The following DCPH1 variants were observed in gnomAD, a reference collection of about 807,000 sequenced individuals.
DCPH1 encodes the protein damage control phosphatase 1.
chr6:151,460,555 G>T, the DCPH1 span, among the ~76,000 whole-genome samples: 1 of 151,800 alleles, frequency 6.6e-6, no homozygotes, highest in Admixed American at 6.6e-5. Context: ...GGAGGCCGAG[G>T]CAGGCAGATC....
At chr6:151,464,700 A>G in the DCPH1 span, 84 of 894,054 alleles carry the variant, frequency 9.4e-5, no homozygotes, top group Non-Finnish European at 1.2e-4. Flanking sequence ...ACATGTAAAT[A>G]TTTTTCTTTG....
the DCPH1 span, among the ~76,000 whole-genome samples, chr6:151,464,300 A>G: frequency 2.6e-5 from 4 of 152,206 alleles, no homozygotes; most frequent in Non-Finnish European, 4.4e-5. Flanking sequence ...TTGATTATTT[A>G]GTATTAAGTT....
At chr6:151,469,782 GA>G in the DCPH1 span, 41 of 152,548 alleles carry the variant, frequency 2.7e-4, no homozygotes, top group African/African-American at 9.4e-4. Context: ...GGTATTTGAA[GA>G]AATGTAATAT....
At chr6:151,455,393 C>G in the DCPH1 span, among the ~76,000 whole-genome samples, 1 of 152,172 alleles carries the variant, frequency 6.6e-6, no homozygotes, top group African/African-American at 2.4e-5. Flanking sequence ...ATTGATCATT[C>G]GTGGGTGTTT....
chr6:151,455,730 AC>A, the DCPH1 span, among the ~76,000 whole-genome samples: 2 of 151,980 alleles, frequency 1.3e-5, no homozygotes, highest in East Asian at 1.9e-4. Flanking sequence ...CCTTCCTCTT[AC>A]ACTAATCCTC....
the DCPH1 span, among the ~76,000 whole-genome samples, chr6:151,458,885 C>T: frequency 6.6e-6 from 1 of 152,166 alleles, no homozygotes; most frequent in Non-Finnish European, 1.5e-5. Context: ...TGCTTGTAAT[C>T]CCAGCACTTT....
chr6:151,453,535 G>A, the DCPH1 span, among the ~76,000 whole-genome samples: 1 of 152,028 alleles, frequency 6.6e-6, no homozygotes, highest in Non-Finnish European at 1.5e-5. Context: ...TCACTGTTTT[G>A]GGTGGTACTG....
chr6:151,460,040 TACAC>T, the DCPH1 span, among the ~76,000 whole-genome samples: 2 of 152,150 alleles, frequency 1.3e-5, no homozygotes, highest in Non-Finnish European at 2.9e-5. Flanking sequence ...GTCTTAATCT[TACAC>T]ACACACGTAT....
At chr6:151,465,503 AG>A in the DCPH1 span, among the ~76,000 whole-genome samples, 3 of 152,044 alleles carry the variant, frequency 2.0e-5, no homozygotes, top group Non-Finnish European at 4.4e-5. Context: ...GTACATGGAG[AG>A]GTGAGAAAAA....
chr6:151,459,162 A>C, the DCPH1 span, among the ~76,000 whole-genome samples: 1 of 152,194 alleles, frequency 6.6e-6, no homozygotes, highest in Non-Finnish European at 1.5e-5. Flanking sequence ...TAAAGCGTGA[A>C]TTAATTAAAG....
chr6:151,458,015 A>G, the DCPH1 span, among the ~76,000 whole-genome samples: 1 of 152,200 alleles, frequency 6.6e-6, no homozygotes, highest in Non-Finnish European at 1.5e-5. Flanking sequence ...GTCAATGGTG[A>G]AAGAAGAATA....
At chr6:151,466,644 A>G in the DCPH1 span, among the ~76,000 whole-genome samples, 1 of 152,226 alleles carries the variant, frequency 6.6e-6, no homozygotes, top group Non-Finnish European at 1.5e-5. Context: ...ACTGTGTCAA[A>G]TGCCATTCTA....
chr6:151,459,120 G>A, the DCPH1 span, among the ~76,000 whole-genome samples: 4 of 152,152 alleles, frequency 2.6e-5, no homozygotes, highest in African/African-American at 9.7e-5. Context: ...CTGAGCACCG[G>A]AGTGAAACTC....
the DCPH1 span, among the ~76,000 whole-genome samples, chr6:151,455,673 G>T: frequency 6.6e-6 from 1 of 152,086 alleles, no homozygotes; most frequent in Non-Finnish European, 1.5e-5. Context: ...GCCCAGGGAC[G>T]GGCAGGAGAC....
chr6:151,455,608 T>C, the DCPH1 span, among the ~76,000 whole-genome samples: 1 of 152,266 alleles, frequency 6.6e-6, no homozygotes, highest in Admixed American at 6.5e-5. Flanking sequence ...AGGCGGTTTT[T>C]CCCTATCTCA....
At chr6:151,459,797 A>G in the DCPH1 span, among the ~76,000 whole-genome samples, 2 of 152,148 alleles carry the variant, frequency 1.3e-5, no homozygotes, top group Non-Finnish European at 2.9e-5. Flanking sequence ...AAAAAAACCA[A>G]AAAACAAAAA....
At chr6:151,452,781 C>G in the DCPH1 span, 1 of 560,208 alleles carries the variant, frequency 1.8e-6, no homozygotes, top group Non-Finnish European at 3.1e-6. Context: ...GGGGAGGGAG[C>G]CTGCCCGCGG....
At chr6:151,463,397 AATCACTCCG>A in the DCPH1 span, among the ~76,000 whole-genome samples, 1 of 152,214 alleles carries the variant, frequency 6.6e-6, no homozygotes, top group African/African-American at 2.4e-5. Flanking sequence ...ATTCTACTGA[AATCACTCCG>A]AGTGACTTTT....
At chr6:151,456,502 A>G in the DCPH1 span, among the ~76,000 whole-genome samples, 1 of 152,236 alleles carries the variant, frequency 6.6e-6, no homozygotes, top group Non-Finnish European at 1.5e-5. Flanking sequence ...ACTGACAATT[A>G]TATTGCTGAA....
Sources: allele counts gnomAD v4.1 joint callset (sites outside exome capture counted in the v4.1 genomes callset), GRCh38; gene constraint gnomAD v4.1.1; transcripts MANE v1.5; gene names NCBI Gene and HGNC (gene_info 2026-07-23, HGNC 2026-07-21).